The following XPR1 variants were observed in gnomAD, a reference collection of about 807,000 sequenced individuals.
XPR1 encodes the protein solute carrier family 53 member 1.
In XPR1, 28 loss-of-function variants were observed where a neutral mutation model predicts 87.5. That is an observed-to-expected ratio of 0.32 (90% confidence interval 0.24 to 0.44). The LOEUF is 0.44. XPR1 is among the 20% of genes least tolerant of loss of function. The pLI is 1.00. For missense variants in XPR1, 559 were observed against 862.3 expected (o/e 0.65, Z 4.41); for synonymous variants, 300 against 306.1 (o/e 0.98, Z 0.21).
chr1:180,744,725 A>C (rs1393034469), intron 2 of XPR1, among the ~76,000 whole-genome samples: 1 of 140,824 alleles, frequency 7.1e-6, no homozygotes, highest in Non-Finnish European at 1.5e-5. Flanking sequence ...ATCTCGGCTC[A>C]CTGCAGCCTC....
chr1:180,688,672 T>G (rs1386408600), intron 2 of XPR1, among the ~76,000 whole-genome samples: 1 of 152,186 alleles, frequency 6.6e-6, no homozygotes, highest in Non-Finnish European at 1.5e-5. Context: ...CTTTATAGGT[T>G]AAGTATAACA....
At chr1:180,876,002 A>G (rs960259195) in intron 13 of XPR1, among the ~76,000 whole-genome samples, 5 of 152,282 alleles carry the variant, frequency 3.3e-5, no homozygotes, top group African/African-American at 1.2e-4. Context: ...GAAATAGAAA[A>G]TCTGTATTAA....
chr1:180,731,198 T>C (rs191442388), intron 2 of XPR1, among the ~76,000 whole-genome samples: 1 of 152,336 alleles, frequency 6.6e-6, no homozygotes, highest in East Asian at 1.9e-4. Context: ...TAAAATTTTC[T>C]GTAGGTAGAC....
At chr1:180,650,180 G>GATAA (rs4048714) in intron 1 of XPR1, among the ~76,000 whole-genome samples, 22,136 of 151,904 alleles carry the variant, frequency 0.15, 2,370 homozygotes, top group African/African-American at 0.31. Context: ...AAGGAAAGAA[G>GATAA]ATGTATATAG....
intron 9 of XPR1, among the ~76,000 whole-genome samples, chr1:180,826,352 C>T (rs1650834854): frequency 6.6e-6 from 1 of 152,080 alleles, no homozygotes; most frequent in African/African-American, 2.4e-5. Flanking sequence ...GAGTTTCAGA[C>T]CAGCCTGGGC....
chr1:180,743,138 A>T (rs1001896990), intron 2 of XPR1, among the ~76,000 whole-genome samples: 2 of 150,590 alleles, frequency 1.3e-5, no homozygotes, highest in Non-Finnish European at 3.0e-5. Flanking sequence ...AATGATTGTT[A>T]TGTTTGGATT....
In XPR1 at chr1:180,889,565, TG is replaced by T. The variant is rs1388299422; in HGVS notation, c.*5501del. 6.6e-6 allele frequency: 1 copy of T among 152,270 alleles called. No individual in the cohort carries two copies. Among genetic ancestry groups the T allele is most frequent in the African/African-American group, 2.4e-5 (1 of 41,476 alleles). 9.4% of individuals were successfully genotyped at this position (152,270 alleles called of 1,614,324 possible). A position where few individuals can be genotyped will look rare whatever the true frequency, so the allele number is the denominator to read the frequency against. The stretch of plus-strand genomic sequence containing the variant: ...TGGTGGGAATTGGAGGGAAAGATTG[TG>T]GAAAATCCCTAAAGGGTCATTGTTC... On this transcript the variant is annotated 3_prime_UTR_variant, in exon 15 of 15. Transcript: ENST00000367590.
intron 1 of XPR1, among the ~76,000 whole-genome samples, chr1:180,656,690 A>G (rs548843166): frequency 7.7e-6 from 1 of 130,322 alleles, no homozygotes; most frequent in East Asian, 2.1e-4. Flanking sequence ...TATATAATAT[A>G]TATGTATTTT....
At chr1:180,830,371 G>A (rs1414856176) in intron 9 of XPR1, among the ~76,000 whole-genome samples, 2 of 152,108 alleles carry the variant, frequency 1.3e-5, no homozygotes, top group African/African-American at 2.4e-5. Context: ...AGAAAATAAT[G>A]TCTCAAAGCC....
At chr1:180,716,656 C>T (rs1348723266) in intron 2 of XPR1, among the ~76,000 whole-genome samples, 1 of 152,186 alleles carries the variant, frequency 6.6e-6, no homozygotes, top group Non-Finnish European at 1.5e-5. Flanking sequence ...AGGTTCTAAA[C>T]TTCACACCTG....
At chr1:180,824,671 CATT>C in intron 7 of XPR1, 79 bp from the exon 8 acceptor site, 2 of 1,229,334 alleles carry the variant, frequency 1.6e-6, no homozygotes, top group Non-Finnish European at 2.3e-6. Context: ...AGGGCTATAT[CATT>C]GAGAATGAAG....
intron 11 of XPR1, among the ~76,000 whole-genome samples, chr1:180,840,925 T>C (rs545421238): frequency 6.6e-6 from 1 of 152,144 alleles, no homozygotes; most frequent in South Asian, 2.1e-4. Flanking sequence ...GAATATTTTA[T>C]GTAACATGCC....
rs543098120 is a variant in XPR1 at position 180,657,121 on chromosome 1, G to T, written c.69+24851G>T. On this transcript the variant is annotated intron_variant, in intron 1 of 14. Transcript: ENST00000367590. Reference sequence around the variant, plus strand: ...TGAGCACCTTTTCATATGCCTGTTTGCCATTTGCATTTCTTCTTTTGAGAA... The same window carrying T: ...TGAGCACCTTTTCATATGCCTGTTTTCCATTTGCATTTCTTCTTTTGAGAA... Among the ~76,000 whole-genome samples the T allele has an allele frequency of 3.3e-5, 5 of 152,170 alleles. No homozygotes were observed. The South Asian group carries it at 8.3e-4, about 25-fold the overall frequency.
chr1:180,812,879 A>G (rs367882907), intron 7 of XPR1, among the ~76,000 whole-genome samples: 2 of 151,510 alleles, frequency 1.3e-5, no homozygotes, highest in East Asian at 3.9e-4. Flanking sequence ...TGAACTCCTG[A>G]CCTCGTGATC....
In XPR1 at chr1:180,662,973, C is replaced by G. The variant is rs1227305146; in HGVS notation, c.70-19387C>G. 2.6e-5 allele frequency among the ~76,000 whole-genome samples: 4 copies of G among 152,144 alleles called. No individual in the cohort carries two copies. The East Asian group carries it at 7.7e-4, about 29-fold the overall frequency. ...TCAACTCCAGAATTTCTGCATGATT[C>G]TTTCTCATTATTTGAGTTTCTTTGT... On this transcript the variant is annotated intron_variant, in intron 1 of 14. Coordinates refer to ENST00000367590, the MANE Select transcript of XPR1 (RefSeq NM_004736.4).
At chr1:180,669,880 T>A (rs1346769842) in intron 1 of XPR1, among the ~76,000 whole-genome samples, 1 of 152,194 alleles carries the variant, frequency 6.6e-6, no homozygotes, top group Non-Finnish European at 1.5e-5. Flanking sequence ...TGATAAAAGT[T>A]ATGTGAATGT....
intron 7 of XPR1, among the ~76,000 whole-genome samples, chr1:180,817,620 C>T (rs1254175128): frequency 3.3e-5 from 5 of 152,172 alleles, no homozygotes; most frequent in Non-Finnish European, 7.3e-5. Flanking sequence ...AATAGGCTCA[C>T]ATAACTGTAA....
chr1:180,706,169 C>G (rs1337150883), intron 2 of XPR1, among the ~76,000 whole-genome samples: 1 of 152,180 alleles, frequency 6.6e-6, no homozygotes, highest in South Asian at 2.1e-4. Flanking sequence ...ATTTGGTAGA[C>G]TAGTGTATTC....
At chr1:180,881,410 G>T (rs1008180232) in intron 14 of XPR1, among the ~76,000 whole-genome samples, 6 of 152,122 alleles carry the variant, frequency 3.9e-5, no homozygotes, top group African/African-American at 1.4e-4. Flanking sequence ...TGATCCGCCC[G>T]CATTGGCCTC....
Sources: allele counts gnomAD v4.1 joint callset (sites outside exome capture counted in the v4.1 genomes callset), GRCh38; gene constraint gnomAD v4.1.1; transcripts MANE v1.5; gene names NCBI Gene and HGNC (gene_info 2026-07-23, HGNC 2026-07-21).